KIF13A: variants seen among roughly 807,000 people sequenced by gnomAD.
The protein encoded by KIF13A is kinesin-like protein KIF13A.
Under a neutral mutation model 212.2 loss-of-function variants are expected in KIF13A, and 79 were observed. The ratio of observed to expected loss-of-function variants is 0.37; its 90% CI spans 0.31 to 0.45. KIF13A has a LOEUF of 0.45. Ranked by LOEUF, KIF13A falls within the 20% of genes least tolerant of loss-of-function variation. The probability of loss-of-function intolerance (pLI) is 1.00; values close to 1 mark genes in which losing one functional copy is unlikely to be tolerated. For missense variants in KIF13A, 1,901 were observed against 2,209.0 expected (o/e 0.86, Z 2.79); for synonymous variants, 789 against 808.6 (o/e 0.98, Z 0.41).
chr6:17,794,517 G>GT lies in KIF13A; in HGVS notation c.3075+54dup. On this transcript the variant is annotated intron_variant, in intron 24 of 38. Coordinates refer to ENST00000259711, the MANE Select transcript of KIF13A (RefSeq NM_022113.6). This position sits in a 1 kb window ranked among gnomAD's most constrained non-coding sequence, Gnocchi z 4.1. ...GTTAGAAAATCCCCAGAAACAATGTGTAAGAGTGGAACAGAGAGAAAACAT... is the reference window on the plus strand; with the variant it reads ...GTTAGAAAATCCCCAGAAACAATGTGTTAAGAGTGGAACAGAGAGAAAACAT... 2 of 1,574,662 alleles carry GT rather than the reference G, an allele frequency of 1.3e-6. No individual in the cohort carries two copies. Among genetic ancestry groups the GT allele is most frequent in the South Asian group, 2.4e-5 (2 of 84,956 alleles).
rs1194121113 is a variant in KIF13A at position 17,871,090 on chromosome 6, G to C, written c.220+2287C>G. On this transcript the variant is annotated intron_variant, in intron 4 of 38. Transcript: ENST00000259711. This position sits in a 1 kb window ranked among gnomAD's most constrained non-coding sequence, Gnocchi z 4.4. ...TCCTTGACACATGTCACTTCCTCTT[G>C]TCTGGATGCCTTCTAGGCTTCCCTT... is the stretch of plus-strand genomic sequence containing the variant. 6.6e-6 allele frequency among the ~76,000 whole-genome samples: 1 copy of C among 152,182 alleles called. No homozygotes were observed. The highest frequency in any genetic ancestry group is 1.5e-5 in the Non-Finnish European group (1 of 68,030).
intron 2 of KIF13A, among the ~76,000 whole-genome samples, chr6:17,935,186 G>A (rs981956472): frequency 2.0e-5 from 3 of 152,128 alleles, no homozygotes; most frequent in African/African-American, 7.2e-5. Flanking sequence ...TCTTATCTGT[G>A]CTTTCTATAG....
intron 2 of KIF13A, among the ~76,000 whole-genome samples, chr6:17,902,449 C>T (rs1773133278): frequency 6.6e-6 from 1 of 152,168 alleles, no homozygotes; most frequent in Non-Finnish European, 1.5e-5. Flanking sequence ...TTATTTTCCA[C>T]ATTGATAGTA....
chr6:17,823,386 GCTGT>G (rs1764641917), intron 16 of KIF13A, among the ~76,000 whole-genome samples: 1 of 150,782 alleles, frequency 6.6e-6, no homozygotes, highest in African/African-American at 2.4e-5. Flanking sequence ...TGGCTGGCTG[GCTGT>G]CTTTCTCTCT....
Position 17,984,397 on chromosome 6 carries a change from G to T in KIF13A, c.146+2657C>A. ...AAGAAACAAATCCATGTGTCTTAATGTTTCAGAATGGTGATCAGTATACAT... is the reference window on the plus strand; with the variant it reads ...AAGAAACAAATCCATGTGTCTTAATTTTTCAGAATGGTGATCAGTATACAT... On this transcript the variant is annotated intron_variant, in intron 2 of 38. Coordinates refer to ENST00000259711, the MANE Select transcript of KIF13A (RefSeq NM_022113.6). This position sits in a 1 kb window ranked among gnomAD's most constrained non-coding sequence, Gnocchi z 5.0. 2.8e-6 allele frequency: 1 copy of T among 362,060 alleles called. No individual in the cohort carries two copies. The highest frequency in any genetic ancestry group is 3.8e-6 in the Non-Finnish European group (1 of 260,320). The allele number at this position is 362,060 out of a possible 1,614,324, so 22.4% of individuals were successfully genotyped here. A position where few individuals can be genotyped will look rare whatever the true frequency, so the allele number is the denominator to read the frequency against.
At chr6:17,972,834 A>G (rs201696496) in intron 2 of KIF13A, among the ~76,000 whole-genome samples, 139 of 9,556 alleles carry the variant, frequency 0.015, 2 homozygotes, top group South Asian at 0.055. Context: ...AGAGAGTGAG[A>G]AAAAAAAAAA....
chr6:17,878,431 CT>C (rs536813179), intron 3 of KIF13A, among the ~76,000 whole-genome samples: 3,895 of 139,662 alleles, frequency 0.028, 45 homozygotes, highest in Non-Finnish European at 0.039. Flanking sequence ...CTACCTCTAA[CT>C]TTTTTTTTTT....
In KIF13A at chr6:17,776,826, G is replaced by A. The variant is rs1005946122; in HGVS notation, c.4170+451C>T. On this transcript the variant is annotated intron_variant, in intron 34 of 38. Coordinates refer to ENST00000259711, the MANE Select transcript of KIF13A (RefSeq NM_022113.6). The surrounding 1 kb of genome is among the most constrained non-coding windows in gnomAD (Gnocchi z 4.6). ...AGATTAACTGGTTGAGAAAAATAAC[G>A]AAAATGGTCAAAGGAACAACTAGGG... Among the ~76,000 whole-genome samples the A allele has an allele frequency of 2.6e-5, 4 of 152,128 alleles. No individual in the cohort carries two copies. Among genetic ancestry groups the A allele is most frequent in the Non-Finnish European group, 5.9e-5 (4 of 68,018 alleles).
rs1310801688 is a variant in KIF13A, at chr6:17,773,443, A to G, written c.4324+35T>C. On this transcript the variant is annotated intron_variant, in intron 36 of 38. Transcript: ENST00000259711. This position sits in a 1 kb window ranked among gnomAD's most constrained non-coding sequence, Gnocchi z 4.2. The stretch of plus-strand genomic sequence containing the variant: ...TTTCATACTTTTTCTAAGTAATTAC[A>G]AAGAAATATCACTGCAAAATAATCT... 10 of 1,241,390 alleles carry G rather than the reference A, an allele frequency of 8.1e-6. No homozygotes were observed. The Admixed American group carries it at 1.8e-4, about 22-fold the overall frequency. The allele number at this position is 1,241,390 out of a possible 1,614,324, so 76.9% of individuals were successfully genotyped here. A position where few individuals can be genotyped will look rare whatever the true frequency, so the allele number is the denominator to read the frequency against.
intron 2 of KIF13A, among the ~76,000 whole-genome samples, chr6:17,931,532 T>A (rs1437163063): frequency 6.6e-6 from 1 of 152,216 alleles, no homozygotes; most frequent in African/African-American, 2.4e-5. Context: ...ATTGCATTCT[T>A]GATGCTTTGT....
chr6:17,849,338 A>C lies in KIF13A; in HGVS notation c.830+39T>G, dbSNP rs561452850. 2 of 1,440,790 alleles carry C rather than the reference A, an allele frequency of 1.4e-6. No individual in the cohort carries two copies. The highest frequency in any genetic ancestry group is 4.6e-5 in the East Asian group (2 of 43,480). The allele number at this position is 1,440,790 out of a possible 1,614,324, so 89.3% of individuals were successfully genotyped here. On this transcript the variant is annotated intron_variant, in intron 9 of 38. Transcript: ENST00000259711. This position sits in a 1 kb window ranked among gnomAD's most constrained non-coding sequence, Gnocchi z 5.7. Reference sequence around the variant, plus strand: ...CATAATGCAACAAATCCCCTCCAGAAGGAAATCACCCAGGCTGTTCTGGGA... The same window carrying C: ...CATAATGCAACAAATCCCCTCCAGACGGAAATCACCCAGGCTGTTCTGGGA...
intron 2 of KIF13A, among the ~76,000 whole-genome samples, chr6:17,940,992 A>ATTTTTTTTTTTTTTTTTTTTTTTTTTTTT (rs1314437912): frequency 6.6e-6 from 1 of 151,762 alleles, no homozygotes; most frequent in Non-Finnish European, 1.5e-5. Flanking sequence ...TGCCTGGCTA[A>ATTTTTTTTTTTTTTTTTTTTTTTTTTTTT]TTTTGTATTT....
chr6:17,960,780 C>CATATT (rs1224788823), intron 2 of KIF13A, among the ~76,000 whole-genome samples: 1 of 152,132 alleles, frequency 6.6e-6, no homozygotes, highest in African/African-American at 2.4e-5. Context: ...TGGTGTCTAT[C>CATATT]ATATAGTAGT....
Position 17,827,384 on chromosome 6 carries a change from A to G in KIF13A, c.1532+856T>C, listed in dbSNP as rs575549887. 7.0e-4 allele frequency among the ~76,000 whole-genome samples: 106 copies of G among 152,230 alleles called. 2 individuals carry two copies. The South Asian group carries it at 0.02, about 29-fold the overall frequency. ...AGTGCTGGGATTACAGGTGTGAGCC[A>G]CTGTTCCTGGCCTGCTTTAGGAAGG... On this transcript the variant is annotated intron_variant, in intron 14 of 38. Coordinates refer to ENST00000259711, the MANE Select transcript of KIF13A (RefSeq NM_022113.6).
In KIF13A at chr6:17,856,427, T is replaced by C. The variant is rs2150407297; in HGVS notation, c.221-305A>G. Among the ~76,000 whole-genome samples the C allele has an allele frequency of 6.6e-6, 1 of 152,314 alleles. No individual in the cohort carries two copies. The highest frequency in any genetic ancestry group is 1.9e-4 in the East Asian group (1 of 5,180). The stretch of plus-strand genomic sequence containing the variant: ...AAATTTGGTTGTTTTTTCTTATGAC[T>C]AATATCTACAATGTCATTAAACATG... On this transcript the variant is annotated intron_variant, in intron 4 of 38. Transcript: ENST00000259711. This position sits in a 1 kb window ranked among gnomAD's most constrained non-coding sequence, Gnocchi z 4.5.
At chr6:17,795,428 CA>C (rs75554746) in intron 23 of KIF13A, among the ~76,000 whole-genome samples, 9,065 of 91,658 alleles carry the variant, frequency 0.099, 270 homozygotes, top group African/African-American at 0.15. Context: ...ACCAAAAATA[CA>C]AAAAAAAAAA....
intron 4 of KIF13A, among the ~76,000 whole-genome samples, chr6:17,865,326 GA>G (rs397750597): frequency 2.6e-4 from 29 of 112,846 alleles, no homozygotes; most frequent in East Asian, 3.0e-4. Context: ...AGAGAGAGAG[GA>G]AAAAAAAAAA....
chr6:17,779,123 C>A lies in KIF13A; in HGVS notation c.3940-24G>T. On this transcript the variant is annotated intron_variant, in intron 32 of 38. Transcript: ENST00000259711. ...GCCTACGAGGACAGGAAGGAAGTGA[C>A]AATACTTTGATGTGAACAACGTTTT... 1.9e-6 allele frequency: 3 copies of A among 1,609,580 alleles called. No homozygotes were observed. The South Asian group carries it at 3.3e-5, about 18-fold the overall frequency.
intron 2 of KIF13A, among the ~76,000 whole-genome samples, chr6:17,909,307 G>A (rs560642473): frequency 1.1e-4 from 17 of 151,750 alleles, no homozygotes; most frequent in Admixed American, 9.2e-4. Flanking sequence ...AGGCCGAGGC[G>A]GGTGGATCAA....
Sources: allele counts gnomAD v4.1 joint callset (sites outside exome capture counted in the v4.1 genomes callset), GRCh38; gene constraint gnomAD v4.1.1; non-coding constraint Gnocchi (gnomAD v3.1); transcripts MANE v1.5; gene names NCBI Gene and HGNC (gene_info 2026-07-23, HGNC 2026-07-21).